The following EPB41L4B variants were observed in gnomAD, a reference collection of about 807,000 sequenced individuals.
EPB41L4B encodes the protein erythrocyte membrane protein band 4.1 like 4B, also known as band 4.1-like protein 4B.
A neutral mutation model predicts 112.5 loss-of-function variants in EPB41L4B; 30 were observed. The ratio of observed to expected loss-of-function variants is 0.27; its 90% confidence interval spans 0.20 to 0.36. EPB41L4B has a LOEUF of 0.36. Ranked by LOEUF, EPB41L4B falls within the 10% of genes least tolerant of loss-of-function variation. The pLI, the probability that EPB41L4B is intolerant of heterozygous loss-of-function variation, is 1.00. For synonymous variants in EPB41L4B, 408 were observed against 439.7 expected, an observed-to-expected ratio of 0.93 and a Z score of 0.90; for missense variants, 1,024 against 1,133.3, an observed-to-expected ratio of 0.90 and a Z score of 1.38.
At chr9:109,259,350 A>G (rs1183834469) in intron 6 of EPB41L4B, among the ~76,000 whole-genome samples, 1 of 152,154 alleles carries the variant, frequency 6.6e-6, no homozygotes, top group Non-Finnish European at 1.5e-5. Flanking sequence ...CCGCCCCCAG[A>G]GTTTTTGAAT....
At chr9:109,222,088 C>G (rs1273689540) in intron 15 of EPB41L4B, among the ~76,000 whole-genome samples, 1 of 152,060 alleles carries the variant, frequency 6.6e-6, no homozygotes, top group African/African-American at 2.4e-5. Flanking sequence ...CAAGGAAACC[C>G]AGAGTAAAGA....
chr9:109,176,730 C>T, intron 24 of EPB41L4B, 34 bp from the exon 25 acceptor site: 1 of 1,611,512 alleles, frequency 6.2e-7, no homozygotes, highest in South Asian at 1.1e-5. Context: ...AGATCAATCT[C>T]AATTTGGGTT....
intron 6 of EPB41L4B, among the ~76,000 whole-genome samples, chr9:109,259,032 C>T (rs559189444): frequency 1.1e-4 from 16 of 152,248 alleles, no homozygotes; most frequent in African/African-American, 3.4e-4. Context: ...CACTCTCCCC[C>T]ACCCCCTGCA....
intron 15 of EPB41L4B, among the ~76,000 whole-genome samples, chr9:109,221,948 G>C (rs958349881): frequency 6.6e-6 from 1 of 152,198 alleles, no homozygotes; most frequent in Non-Finnish European, 1.5e-5. Flanking sequence ...GTCTGAGGTT[G>C]TGCCCAACTC....
intron 2 of EPB41L4B, among the ~76,000 whole-genome samples, chr9:109,271,220 C>CA (rs1241626240): frequency 6.6e-6 from 1 of 152,248 alleles, no homozygotes; most frequent in Non-Finnish European, 1.5e-5. Flanking sequence ...GGCACCCCTT[C>CA]AGCCATTGTG....
intron 21 of EPB41L4B, among the ~76,000 whole-genome samples, chr9:109,192,963 C>CT (rs1832512352): frequency 2.0e-5 from 3 of 152,166 alleles, no homozygotes. Flanking sequence ...TGGGATGCCA[C>CT]TTGCATCCCC....
chr9:109,257,747 C>T (rs1449689982), intron 7 of EPB41L4B, among the ~76,000 whole-genome samples: 2 of 152,210 alleles, frequency 1.3e-5, no homozygotes, highest in African/African-American at 4.8e-5. Context: ...GTAATCCCAA[C>T]ACTTTGGGAG....
intron 16 of EPB41L4B, among the ~76,000 whole-genome samples, chr9:109,214,590 A>G (rs1322464359): frequency 6.6e-6 from 1 of 152,220 alleles, no homozygotes; most frequent in African/African-American, 2.4e-5. Context: ...ATGGGCTGCT[A>G]AGGGATGTGT....
At position 109,172,397 on chromosome 9, in the gene EPB41L4B, C is replaced by T. The variant is rs1831662763; in HGVS notation, c.*2157G>A. Reference sequence around the variant, plus strand: ...GGGAACATATTTTGTATCATGTGCACAAGATAAAGAACAGCTAAAGCTGTT... The same window carrying T: ...GGGAACATATTTTGTATCATGTGCATAAGATAAAGAACAGCTAAAGCTGTT... On this transcript the variant is annotated 3_prime_UTR_variant, in exon 26 of 26. Transcript: ENST00000374566. 6.6e-6 allele frequency: 1 copy of T among 152,096 alleles called. No homozygotes were observed. The highest frequency in any genetic ancestry group is 2.1e-4 in the South Asian group (1 of 4,820). The allele number at this position is 152,096 out of a possible 1,614,324, so 9.4% of individuals were successfully genotyped here.
intron 1 of EPB41L4B, among the ~76,000 whole-genome samples, chr9:109,300,008 A>C (rs1337352784): frequency 6.6e-6 from 1 of 152,230 alleles, no homozygotes; most frequent in Non-Finnish European, 1.5e-5. Flanking sequence ...ACAGTGAAGA[A>C]AGGCTTCCGA....
intron 15 of EPB41L4B, among the ~76,000 whole-genome samples, chr9:109,227,569 T>C (rs1455243945): frequency 6.6e-6 from 1 of 151,972 alleles, no homozygotes; most frequent in Non-Finnish European, 1.5e-5. Flanking sequence ...TGAGATCTTA[T>C]TAATTATTAC....
chr9:109,297,213 C>A (rs1836766468), intron 1 of EPB41L4B, among the ~76,000 whole-genome samples: 1 of 151,760 alleles, frequency 6.6e-6, no homozygotes, highest in South Asian at 2.1e-4. Context: ...GGGGGGGGAT[C>A]TGCCAGCCAA....
chr9:109,258,309 A>AT lies in EPB41L4B; in HGVS notation c.632-13dup. On this transcript the variant is annotated splice_polypyrimidine_tract_variant and intron_variant, in intron 6 of 25. Transcript: ENST00000374566. The stretch of plus-strand genomic sequence containing the variant: ...CTCCCCAAGCTCCGCTGTAAGTTTC[A>AT]TAAAAGGGAGGAAAATAGGAGACAT... 6.2e-7 allele frequency: 1 copy of AT among 1,609,296 alleles called. No homozygotes were observed. The highest frequency in any genetic ancestry group is 2.2e-5 in the East Asian group (1 of 44,770).
intron 1 of EPB41L4B, among the ~76,000 whole-genome samples, chr9:109,289,490 C>T (rs1013963882): frequency 1.3e-5 from 2 of 152,242 alleles, no homozygotes; most frequent in African/African-American, 2.4e-5. Flanking sequence ...TTCTGAGGCT[C>T]AATAAACATA....
intron 15 of EPB41L4B, among the ~76,000 whole-genome samples, chr9:109,224,627 C>T (rs1311272711): frequency 6.6e-6 from 1 of 152,062 alleles, no homozygotes; most frequent in East Asian, 1.9e-4. Context: ...AATTATATTG[C>T]AGCGATGGTT....
chr9:109,212,777 T>C (rs1833228265), intron 17 of EPB41L4B, among the ~76,000 whole-genome samples: 2 of 152,224 alleles, frequency 1.3e-5, no homozygotes, highest in African/African-American at 4.8e-5. Flanking sequence ...TAGGGAGATT[T>C]TGCCCTTCTG....
At chr9:109,240,781 G>A (rs1037052214) in intron 15 of EPB41L4B, 1 of 985,274 alleles carries the variant, frequency 1.0e-6, no homozygotes, top group African/African-American at 1.7e-5. Flanking sequence ...GTGAAGTCTA[G>A]GGTAAAAACC....
In EPB41L4B at chr9:109,256,833, T is replaced by G. The variant is rs181361180; in HGVS notation, c.753-353A>C. 3.1e-3 allele frequency among the ~76,000 whole-genome samples: 470 copies of G among 152,292 alleles called. 6 individuals carry two copies. Among genetic ancestry groups the G allele is most frequent in the African/African-American group, 0.01 (435 of 41,554 alleles). On this transcript the variant is annotated intron_variant, in intron 7 of 25. Transcript: ENST00000374566. ...GGCACATGCCTGTAATCCCAGCTAC[T>G]TGGGAGGCTGAGGAAGGAGAATCAC...
chr9:109,313,024 T>C (rs1837475451), intron 1 of EPB41L4B, among the ~76,000 whole-genome samples: 3 of 152,042 alleles, frequency 2.0e-5, no homozygotes, highest in Admixed American at 6.5e-5. Context: ...GAGGATCTCC[T>C]GAGGGCAGAA....
Sources: allele counts gnomAD v4.1 joint callset (sites outside exome capture counted in the v4.1 genomes callset), GRCh38; gene constraint gnomAD v4.1.1; transcripts MANE v1.5; gene names NCBI Gene and HGNC (gene_info 2026-07-23, HGNC 2026-07-21).